VPS26A: variants seen among roughly 807,000 people sequenced by gnomAD.
The protein encoded by VPS26A is VPS26 retromer complex component A, also known as vacuolar protein sorting-associated protein 26A.
VPS26A carries 22 observed loss-of-function variants against 42.4 expected under a neutral mutation model. The ratio of observed to expected loss-of-function variants is 0.52; its 90% confidence interval spans 0.37 to 0.74. The LOEUF is 0.74. VPS26A is among the 30% of genes least tolerant of loss of function. The pLI, the probability that VPS26A is intolerant of heterozygous loss-of-function variation, is 0.00. For missense variants in VPS26A, 276 were observed against 379.2 expected (o/e 0.73, Z 2.26); for synonymous variants, 110 against 123.5 (o/e 0.89, Z 0.73).
chr10:69,153,550 A>G (rs988611214), intron 2 of VPS26A, among the ~76,000 whole-genome samples: 3 of 145,342 alleles, frequency 2.1e-5, no homozygotes, highest in Non-Finnish European at 3.0e-5. Context: ...GAGCCTTGCT[A>G]TATTGTCCAA....
chr10:69,168,411 CTA>C, intron 7 of VPS26A, 76 bp from the exon 8 acceptor site: 1 of 1,478,768 alleles, frequency 6.8e-7, no homozygotes, highest in South Asian at 1.3e-5. Context: ...AGTGTCAACT[CTA>C]TAGTGCTTAG....
rs536682538 is a variant in VPS26A at position 69,126,297 on chromosome 10, A to G, written c.3+2017A>G. ...GCCAACATGGCGAAACCCCGTCTTC[A>G]CTAAAAATACAAAAACAAAAAAAAA... On this transcript the variant is annotated intron_variant, in intron 1 of 8. Coordinates refer to ENST00000263559, the MANE Select transcript of VPS26A (RefSeq NM_004896.5). Among the ~76,000 whole-genome samples the G allele has an allele frequency of 2.6e-5, 4 of 152,278 alleles. No homozygotes were observed. In the South Asian group the frequency reaches 6.2e-4, roughly 24 times the overall value.
At chr10:69,157,421 A>G (rs1353979023) in intron 4 of VPS26A, among the ~76,000 whole-genome samples, 9 of 152,230 alleles carry the variant, frequency 5.9e-5, no homozygotes, top group Non-Finnish European at 1.2e-4. Context: ...TTCATTTGTC[A>G]TGTAAACTGA....
At chr10:69,141,265 C>T (rs1841033282) in intron 2 of VPS26A, among the ~76,000 whole-genome samples, 1 of 152,224 alleles carries the variant, frequency 6.6e-6, no homozygotes. Flanking sequence ...AACTCAGTGA[C>T]TTAAAAACAA....
chr10:69,165,700 C>T (rs989632311), intron 6 of VPS26A, among the ~76,000 whole-genome samples: 2 of 152,020 alleles, frequency 1.3e-5, no homozygotes, highest in Non-Finnish European at 2.9e-5. Flanking sequence ...GTCCCAACTA[C>T]TCTGGAGGCT....
chr10:69,164,351 G>A (rs144641110), intron 6 of VPS26A, among the ~76,000 whole-genome samples: 2,602 of 152,024 alleles, frequency 0.017, 68 homozygotes, highest in African/African-American at 0.059. Flanking sequence ...GTGGGTAGCT[G>A]GGGCCACAGG....
At chr10:69,139,867 AC>A (rs1467771225) in intron 2 of VPS26A, among the ~76,000 whole-genome samples, 2 of 150,842 alleles carry the variant, frequency 1.3e-5, no homozygotes, top group Admixed American at 6.6e-5. Flanking sequence ...GATTTTTCTC[AC>A]CCTAGCTTAA....
At chr10:69,124,459 C>T (rs1371703101) in intron 1 of VPS26A, among the ~76,000 whole-genome samples, 179 bp downstream of exon 1, 1 of 151,938 alleles carries the variant, frequency 6.6e-6, no homozygotes, top group Non-Finnish European at 1.5e-5. Flanking sequence ...CACCTCTTCC[C>T]GGTCTCGGCG....
At chr10:69,155,764 C>A (rs1396229237) in intron 2 of VPS26A, 48 bp from the exon 3 acceptor site, 5 of 1,430,536 alleles carry the variant, frequency 3.5e-6, no homozygotes, top group Non-Finnish European at 4.9e-6. Flanking sequence ...TACTAGTAGG[C>A]CCACTCATAG....
intron 2 of VPS26A, among the ~76,000 whole-genome samples, chr10:69,151,254 G>A (rs1188914584): frequency 6.3e-5 from 5 of 79,654 alleles, no homozygotes; most frequent in Non-Finnish European, 1.0e-4. Context: ...AACAGAGTGA[G>A]ACTCCATGTC....
At position 69,155,838 on chromosome 10, in the gene VPS26A, A is replaced by G; in HGVS notation, c.180A>G (p.Gly60=). The G allele has an allele frequency of 1.2e-6, 2 of 1,612,514 alleles. No individual in the cohort carries two copies. The highest frequency in any genetic ancestry group is 8.5e-7 in the Non-Finnish European group (1 of 1,179,168). ...GKVNLAFKQP[G]KRLEHQGIRI... ...TAAACCTAGCCTTTAAGCAACCTGGAAAGAGGCTAGAACACCAAGGAATTA... is the reference window on the plus strand; with the variant it reads ...TAAACCTAGCCTTTAAGCAACCTGGGAAGAGGCTAGAACACCAAGGAATTA... Residue 60 remains glycine, a synonymous_variant, in exon 3 of 9, where the codon GGA becomes GGG. Transcript: ENST00000263559.
chr10:69,127,727 CTTT>C (rs572346560), intron 1 of VPS26A, among the ~76,000 whole-genome samples: 918 of 85,056 alleles, frequency 0.011, 1 homozygote, highest in African/African-American at 0.029. Context: ...TTAAAAATAT[CTTT>C]TTTTTTTTTT....
chr10:69,146,346 A>G (rs1262173724), intron 2 of VPS26A, among the ~76,000 whole-genome samples: 1 of 152,148 alleles, frequency 6.6e-6, no homozygotes, highest in Non-Finnish European at 1.5e-5. Flanking sequence ...CGGTTTCCCA[A>G]AGTGCTGGAA....
chr10:69,168,995 GTGTA>G (rs1841754801), intron 8 of VPS26A, among the ~76,000 whole-genome samples: 2 of 151,402 alleles, frequency 1.3e-5, no homozygotes, highest in Non-Finnish European at 2.9e-5. Context: ...CAACTAATGT[GTGTA>G]TGTGTGTTTA....
chr10:69,152,688 G>T (rs943515468), intron 2 of VPS26A, among the ~76,000 whole-genome samples: 1 of 152,094 alleles, frequency 6.6e-6, no homozygotes, highest in Admixed American at 6.5e-5. Context: ...AGTAAAAAAC[G>T]GCGGGGCACA....
intron 2 of VPS26A, among the ~76,000 whole-genome samples, chr10:69,153,151 G>C (rs1841357303): frequency 6.6e-6 from 1 of 150,970 alleles, no homozygotes; most frequent in African/African-American, 2.4e-5. Context: ...CCGGGTTCAA[G>C]TGATTCTCTT....
chr10:69,127,424 G>A (rs1328858054), intron 1 of VPS26A, among the ~76,000 whole-genome samples: 1 of 151,552 alleles, frequency 6.6e-6, no homozygotes, highest in Non-Finnish European at 1.5e-5. Flanking sequence ...GCGGTGGCGG[G>A]CACCTGTAGT....
intron 8 of VPS26A, chr10:69,169,919 CT>C (rs1036305770): frequency 4.7e-4 from 72 of 152,230 alleles, no homozygotes; most frequent in African/African-American, 1.7e-3. Flanking sequence ...GCCTCTAATT[CT>C]TTGTTTAATA....
Position 69,158,208 on chromosome 10 carries a change from C to A in VPS26A, c.548C>A (p.Ser183Ter). ...CLHIEFEYNKSKYHLKDVIVG... is the reference protein window; with the variant it reads ...CLHIEFEYNK Reference sequence around the variant, plus strand: ...CATATAGAATTTGAATATAATAAATCAAAGTAAGTATCATTCACAGATAAG... The same window carrying A: ...CATATAGAATTTGAATATAATAAATAAAAGTAAGTATCATTCACAGATAAG... The change falls in exon 5 of 9, where the codon TCA becomes TAA. Residue 183 changes from serine (S) to a stop codon, truncating the protein, a stop_gained. Transcript: ENST00000263559. LOFTEE classifies it high-confidence loss of function. 3 of 1,581,566 alleles carry A rather than the reference C, an allele frequency of 1.9e-6. No individual in the cohort carries two copies. The South Asian group carries it at 3.5e-5, about 19-fold the overall frequency.
Sources: allele counts gnomAD v4.1 joint callset (sites outside exome capture counted in the v4.1 genomes callset), GRCh38; gene constraint gnomAD v4.1.1; transcripts MANE v1.5; gene names NCBI Gene and HGNC (gene_info 2026-07-23, HGNC 2026-07-21).